ACOT7: variants seen among roughly 807,000 people sequenced by gnomAD.
ACOT7 encodes acyl-CoA thioesterase 7, also known as cytosolic acyl coenzyme A thioester hydrolase.
Under a neutral mutation model 40.2 loss-of-function variants are expected in ACOT7, and 12 were observed. The observed-to-expected ratio is 0.30, with a 90% CI of 0.19 to 0.48. The LOEUF (loss-of-function observed/expected upper bound fraction) is 0.48. ACOT7 is among the 20% of genes least tolerant of loss of function. ACOT7 has a pLI of 0.99. For synonymous variants in ACOT7, 228 were observed against 219.5 expected (o/e 1.04, Z -0.34); for missense variants, 395 against 530.8 (o/e 0.74, Z 2.51).
At chr1:6,362,569 C>A (rs1460170680) in intron 1 of ACOT7, among the ~76,000 whole-genome samples, 1 of 152,090 alleles carries the variant, frequency 6.6e-6, no homozygotes, top group Non-Finnish European at 1.5e-5. Flanking sequence ...GCACACTGAG[C>A]CCAGCTCATC....
chr1:6,360,790 AC>A (rs991339152), intron 1 of ACOT7: 7 of 1,486,198 alleles, frequency 4.7e-6, no homozygotes, highest in African/African-American at 2.8e-5. Context: ...TCCCTAAGCA[AC>A]CCTTCCAGCT....
chr1:6,269,406 G>A (rs1211962154), intron 8 of ACOT7, among the ~76,000 whole-genome samples: 4 of 152,182 alleles, frequency 2.6e-5, no homozygotes, highest in South Asian at 2.1e-4. Flanking sequence ...CCCAGGCGGG[G>A]GCCCTGCCCT....
Position 6,306,216 on chromosome 1 carries a change from G to A in ACOT7, c.713-11236C>T, listed in dbSNP as rs1238037211. On this transcript the variant is annotated intron_variant, in intron 6 of 8. Transcript: ENST00000361521. The surrounding 1 kb of genome is among the most constrained non-coding windows in gnomAD (Gnocchi z 4.3). Reference sequence around the variant, plus strand: ...GAGGGAGACCGTGGGGAGAGGGGGAGGGGGAGGGGGAGAGGGAGAGGACGT... The same window carrying A: ...GAGGGAGACCGTGGGGAGAGGGGGAAGGGGAGGGGGAGAGGGAGAGGACGT... 1 of 967,484 alleles carries A rather than the reference G, an allele frequency of 1.0e-6. No homozygotes were observed. Among genetic ancestry groups the A allele is most frequent in the Admixed American group, 6.2e-5 (1 of 16,082 alleles). The allele number at this position is 967,484 out of a possible 1,614,324, so 59.9% of individuals were successfully genotyped here. A position where few individuals can be genotyped will look rare whatever the true frequency, so the allele number is the denominator to read the frequency against.
chr1:6,308,172 G>A (rs866879325), intron 6 of ACOT7, among the ~76,000 whole-genome samples: 25 of 140,022 alleles, frequency 1.8e-4, no homozygotes, highest in African/African-American at 4.1e-4. Context: ...AACTACAACC[G>A]GGCAGAGGGA....
At position 6,278,986 on chromosome 1, in the gene ACOT7, G is replaced by A. The variant is rs1639278162; in HGVS notation, c.1014+2116C>T. ...CGGGGAAGGAGAGAGCTTCGGAAAT[G>A]TGCCTGGGTCAGGTGGGGGATTCAG... On this transcript the variant is annotated intron_variant, in intron 8 of 8. Coordinates refer to ENST00000361521, the MANE Select transcript of ACOT7 (RefSeq NM_007274.4). The surrounding 1 kb of genome is among the most constrained non-coding windows in gnomAD (Gnocchi z 4.1). Among the ~76,000 whole-genome samples, 1 of 152,256 alleles carries A rather than the reference G, an allele frequency of 6.6e-6. No individual in the cohort carries two copies. The highest frequency in any genetic ancestry group is 1.5e-5 in the Non-Finnish European group (1 of 68,044).
intron 1 of ACOT7, among the ~76,000 whole-genome samples, chr1:6,369,803 C>G (rs1642094470): frequency 6.6e-6 from 1 of 152,254 alleles, no homozygotes; most frequent in Admixed American, 6.5e-5. Context: ...TAGTCTCAAA[C>G]TCCTGAACAA....
At chr1:6,318,461 G>A in intron 6 of ACOT7, 31 bp downstream of exon 6, 1 of 1,605,382 alleles carries the variant, frequency 6.2e-7, no homozygotes, top group Non-Finnish European at 8.5e-7. Flanking sequence ...CAAGGGACAG[G>A]AATGGAGTGG....
chr1:6,364,056 C>T (rs1641948648), intron 1 of ACOT7, among the ~76,000 whole-genome samples: 1 of 151,976 alleles, frequency 6.6e-6, no homozygotes, highest in Non-Finnish European at 1.5e-5. Context: ...AGAGCGAGAC[C>T]TTGTCTCAAA....
At position 6,352,784 on chromosome 1, in the gene ACOT7, C is replaced by T. The variant is rs1330901357; in HGVS notation, c.144-2918G>A. ...TTTTTTAGTAGAGAAGGGGTTTCAC[C>T]GTATTAGCCAGGATGGTCTTGATCT... On this transcript the variant is annotated intron_variant, in intron 1 of 8. Coordinates refer to ENST00000361521, the MANE Select transcript of ACOT7 (RefSeq NM_007274.4). The surrounding 1 kb of genome is among the most constrained non-coding windows in gnomAD (Gnocchi z 4.5). Among the ~76,000 whole-genome samples, 1 of 151,970 alleles carries T rather than the reference C, an allele frequency of 6.6e-6. No individual in the cohort carries two copies. Among genetic ancestry groups the T allele is most frequent in the Non-Finnish European group, 1.5e-5 (1 of 68,004 alleles).
At chr1:6,309,613 A>AT (rs774629398) in intron 6 of ACOT7, among the ~76,000 whole-genome samples, 3 of 152,226 alleles carry the variant, frequency 2.0e-5, no homozygotes, top group Non-Finnish European at 4.4e-5. Flanking sequence ...CTACATAATC[A>AT]TAAGTCCAGA....
chr1:6,321,107 A>G (rs1486595001), intron 5 of ACOT7, among the ~76,000 whole-genome samples: 1 of 151,906 alleles, frequency 6.6e-6, no homozygotes, highest in East Asian at 1.9e-4. Flanking sequence ...CTCTGATTCC[A>G]CTCTTGGGGA....
rs376989386 is a variant in ACOT7, at chr1:6,329,906, A to T, written c.511-2493T>A. ...TCCTGGGGCCCCTCGGGCCCATCAC[A>T]GGCCCACCGAGGTTCCCTGCTCACT... On this transcript the variant is annotated intron_variant, in intron 4 of 8. Transcript: ENST00000361521. Among the ~76,000 whole-genome samples, 5 of 152,170 alleles carry T rather than the reference A, an allele frequency of 3.3e-5. No homozygotes were observed. The East Asian group carries it at 9.7e-4, about 29-fold the overall frequency.
intron 6 of ACOT7, among the ~76,000 whole-genome samples, chr1:6,314,417 C>A (rs1640424823): frequency 6.6e-6 from 1 of 151,898 alleles, no homozygotes. Context: ...AAATAAAGTA[C>A]AAGGAAAAAA....
chr1:6,352,964 C>T lies in ACOT7; in HGVS notation c.144-3098G>A, dbSNP rs1026979898. ...CATGATCTTGGCTCACTGCAAACTC[C>T]GTCTCCTGGGTTCAAGCGATTCCCC... On this transcript the variant is annotated intron_variant, in intron 1 of 8. Transcript: ENST00000361521. The surrounding 1 kb of genome is among the most constrained non-coding windows in gnomAD (Gnocchi z 4.5). Among the ~76,000 whole-genome samples the T allele has an allele frequency of 2.6e-5, 4 of 152,050 alleles. No homozygotes were observed. Among genetic ancestry groups the T allele is most frequent in the African/African-American group, 9.7e-5 (4 of 41,384 alleles).
In ACOT7 at chr1:6,289,333, C is replaced by A. The variant is rs933512457; in HGVS notation, c.829+5531G>T. ...CAGGCTGGTCTCGAACTCCTGACCT[C>A]AGGTGATCAGACTGCCTCGGCCTCC... On this transcript the variant is annotated intron_variant, in intron 7 of 8. Coordinates refer to ENST00000361521, the MANE Select transcript of ACOT7 (RefSeq NM_007274.4). The surrounding 1 kb of genome is among the most constrained non-coding windows in gnomAD (Gnocchi z 4.6). Among the ~76,000 whole-genome samples, 1 of 152,042 alleles carries A rather than the reference C, an allele frequency of 6.6e-6. No individual in the cohort carries two copies. Among genetic ancestry groups the A allele is most frequent in the Non-Finnish European group, 1.5e-5 (1 of 68,020 alleles).
intron 7 of ACOT7, among the ~76,000 whole-genome samples, chr1:6,291,152 G>T (rs1639651367): frequency 6.6e-6 from 1 of 152,168 alleles, no homozygotes; most frequent in African/African-American, 2.4e-5. Context: ...GTTCCCAAAT[G>T]ATACATCTAC....
intron 1 of ACOT7, among the ~76,000 whole-genome samples, chr1:6,363,291 C>A (rs115043882): frequency 6.6e-6 from 1 of 152,058 alleles, no homozygotes; most frequent in African/African-American, 2.4e-5. Flanking sequence ...CCAGGCAGAC[C>A]GTGGTTCCAG....
At position 6,393,278 on chromosome 1, in the gene ACOT7, G is replaced by A; in HGVS notation, c.122C>T (p.Pro41Leu). Residue 41 changes from proline (P) to leucine (L), a missense_variant, in exon 1 of 9, where the codon CCG becomes CTG. By Grantham distance (98) the Pro-to-Leu change is moderately conservative. Transcript: ENST00000361521. Reference protein sequence around the residue: ...PSMSGPDVETPSAIQICRIMR... With the variant: ...PSMSGPDVETLSAIQICRIMR... The stretch of plus-strand genomic sequence containing the variant: ...TTACCGGCAGATCTGGATGGCGGAC[G>A]GCGTCTCGACGTCTGGGCCCGACAT... The A allele has an allele frequency of 1.6e-6, 2 of 1,284,050 alleles. No individual in the cohort carries two copies. Among genetic ancestry groups the A allele is most frequent in the South Asian group, 3.3e-5 (1 of 30,586 alleles). The allele number at this position is 1,284,050 out of a possible 1,614,324, so 79.5% of individuals were successfully genotyped here. A position where few individuals can be genotyped will look rare whatever the true frequency, so the allele number is the denominator to read the frequency against.
chr1:6,271,831 A>G (rs1639045495), intron 8 of ACOT7, among the ~76,000 whole-genome samples: 1 of 152,258 alleles, frequency 6.6e-6, no homozygotes, highest in South Asian at 2.1e-4. Flanking sequence ...AACTGCCCCC[A>G]AGTGGGGCCA....
Sources: gnomAD v4.1 joint callset for allele counts (sites outside exome capture counted in the v4.1 genomes callset) on GRCh38, gnomAD v4.1.1 for gene constraint, Gnocchi (gnomAD v3.1) non-coding constraint, MANE v1.5 for transcripts, NCBI Gene and HGNC (gene_info 2026-07-23, HGNC 2026-07-21) for gene names.